TBX18: variants seen among roughly 807,000 people sequenced by gnomAD.
TBX18 encodes the protein T-box transcription factor TBX18.
Under a neutral mutation model 55.0 loss-of-function variants are expected in TBX18, and 21 were observed. The ratio of observed to expected loss-of-function variants is 0.38; its 90% confidence interval spans 0.27 to 0.55. The LOEUF is 0.55. Among genes scored for constraint, TBX18 ranks in the 20% least tolerant of loss-of-function variants. The pLI, the probability that TBX18 is intolerant of heterozygous loss-of-function variation, is 0.73. For synonymous variants in TBX18, 342 were observed against 326.1 expected (o/e 1.05, Z -0.53); for missense variants, 840 against 799.6 (o/e 1.05, Z -0.61).
rs779334419 is a variant in TBX18 at position 84,764,084 on chromosome 6, T to C, written c.98A>G (p.Gln33Arg). 1.8e-5 allele frequency: 28 copies of C among 1,584,648 alleles called. No homozygotes were observed. The Middle Eastern group carries it at 1.0e-3, about 57-fold the overall frequency. ...CAGTTTTCGCCGCTTCTTCTGAAGC[T>C]GTTGCTGCTTCTCGGCGCCGATCAG... Reference protein sequence around the residue: ...EALIGAEKQQQLQKKRRKLGA... With the variant: ...EALIGAEKQQRLQKKRRKLGA... Residue 33 changes from glutamine to arginine, a missense_variant, in exon 1 of 8, where the codon CAG becomes CGG. Coordinates refer to ENST00000369663, the MANE Select transcript of TBX18 (RefSeq NM_001080508.3).
At chr6:84,743,851 T>C (rs1767109378) in intron 6 of TBX18, among the ~76,000 whole-genome samples, 1 of 152,166 alleles carries the variant, frequency 6.6e-6, no homozygotes, top group Admixed American at 6.5e-5. Context: ...CAGCTGGAAA[T>C]ATGACTTAAC....
chr6:84,764,097 C>A lies in TBX18; in HGVS notation c.85G>T (p.Glu29Ter). ...AFSVEALIGA[E>*]KQQQLQKKRR... The stretch of plus-strand genomic sequence containing the variant: ...TTCTTCTGAAGCTGTTGCTGCTTCT[C>A]GGCGCCGATCAGCGCCTCCACCGAG... The change falls in exon 1 of 8, where the codon GAG becomes TAG. Residue 29 changes from glutamate to a stop codon, truncating the protein, a stop_gained. Coordinates refer to ENST00000369663, the MANE Select transcript of TBX18 (RefSeq NM_001080508.3). LOFTEE classifies it high-confidence loss of function. The A allele has an allele frequency of 6.3e-7, 1 of 1,586,212 alleles. No individual in the cohort carries two copies. Among genetic ancestry groups the A allele is most frequent in the Admixed American group, 1.7e-5 (1 of 58,776 alleles).
chr6:84,752,282 A>G (rs1188808406), intron 4 of TBX18, among the ~76,000 whole-genome samples: 3 of 152,204 alleles, frequency 2.0e-5, no homozygotes, highest in African/African-American at 7.2e-5. Context: ...CTTACAGGAT[A>G]GCTCAATAAG....
intron 5 of TBX18, among the ~76,000 whole-genome samples, chr6:84,746,518 AAT>A (rs1314507509): frequency 6.8e-6 from 1 of 146,332 alleles, no homozygotes; most frequent in East Asian, 1.9e-4. Flanking sequence ...TTATAATTTT[AAT>A]ATATTTGATA....
Position 84,764,241 on chromosome 6 carries a change from G to T in TBX18, c.-60C>A, listed in dbSNP as rs552011761. The T allele has an allele frequency of 2.6e-4, 351 of 1,364,972 alleles. No homozygotes were observed. The highest frequency in any genetic ancestry group is 1.5e-3 in the Admixed American group (40 of 26,596). 84.6% of individuals were successfully genotyped at this position (1,364,972 alleles called of 1,614,324 possible). ...TATACACTCACGCGGGCACACGCGC[G>T]CTCTCGCTCTTCCCCCACCAAAAAC... On this transcript the variant is annotated 5_prime_UTR_variant, in exon 1 of 8. Transcript: ENST00000369663.
chr6:84,758,070 T>G (rs1326255846), intron 3 of TBX18, among the ~76,000 whole-genome samples: 2 of 152,172 alleles, frequency 1.3e-5, no homozygotes, highest in Non-Finnish European at 2.9e-5. Flanking sequence ...TTTCTTTTCT[T>G]GGGAAAACAT....
intron 6 of TBX18, among the ~76,000 whole-genome samples, chr6:84,743,146 A>T (rs1767090404): frequency 6.6e-6 from 1 of 152,198 alleles, no homozygotes; most frequent in Non-Finnish European, 1.5e-5. Context: ...CCCTGCTATT[A>T]GTCTTCCTGA....
intron 6 of TBX18, among the ~76,000 whole-genome samples, chr6:84,740,467 T>C (rs1767018418): frequency 6.6e-6 from 1 of 152,174 alleles, no homozygotes; most frequent in South Asian, 2.1e-4. Flanking sequence ...AAACCAGTCA[T>C]CATATCTGTG....
chr6:84,736,828 C>A lies in TBX18; in HGVS notation c.1681G>T (p.Gly561Trp), dbSNP rs1766877933. ...AACATCTGCCGATCCGTCATGGTCC[C>A]ACTCGGTGAGGACCCCAAGAAACTT... ...QGSFLGSSPS[G>W]TMTDRQMLPP... The change falls in exon 8 of 8, where the codon GGG (glycine) becomes TGG (tryptophan). Residue 561 changes from glycine (G) to tryptophan (W), a missense_variant. Gly to Trp is a radical substitution (Grantham distance 184). Transcript: ENST00000369663. 6.2e-7 allele frequency: 1 copy of A among 1,614,086 alleles called. No homozygotes were observed. Among genetic ancestry groups the A allele is most frequent in the Non-Finnish European group, 8.5e-7 (1 of 1,180,000 alleles).
Position 84,736,876 on chromosome 6 carries a change from C to T in TBX18, c.1633G>A (p.Glu545Lys). 1 of 1,613,278 alleles carries T rather than the reference C, an allele frequency of 6.2e-7. No individual in the cohort carries two copies. The highest frequency in any genetic ancestry group is 8.5e-7 in the Non-Finnish European group (1 of 1,179,708). The change falls in exon 8 of 8, where the codon GAG becomes AAG. Residue 545 changes from glutamate (E) to lysine (K), a missense_variant. Glu to Lys is a moderately conservative substitution (Grantham distance 56). Coordinates refer to ENST00000369663, the MANE Select transcript of TBX18 (RefSeq NM_001080508.3). ...STSPKLAASPEKIVSSQGSFL... is the reference protein window; with the variant it reads ...STSPKLAASPKKIVSSQGSFL... ...CTTCCTTGGGAAGAAACAATTTTCT[C>T]AGGACTGGCAGCCAGTTTGGGGGAT...
intron 4 of TBX18, among the ~76,000 whole-genome samples, chr6:84,750,283 CA>C (rs546686776): frequency 0.015 from 1,440 of 94,634 alleles, 10 homozygotes; most frequent in African/African-American, 0.04. Flanking sequence ...GATTCTATCT[CA>C]AAAAAAAAAA....
At chr6:84,740,926 T>C (rs756537225) in intron 6 of TBX18, 8 of 152,232 alleles carry the variant, frequency 5.3e-5, no homozygotes, top group Non-Finnish European at 1.0e-4. Flanking sequence ...AACTTTATTA[T>C]GATTCAAACA....
intron 3 of TBX18, among the ~76,000 whole-genome samples, chr6:84,757,928 T>G (rs1206455012): frequency 6.6e-6 from 1 of 152,190 alleles, no homozygotes; most frequent in Non-Finnish European, 1.5e-5. Context: ...CTCAGAAAAG[T>G]CTACCTGTGT....
In TBX18 at chr6:84,736,270, G is replaced by T. The variant is rs1773937909; in HGVS notation, c.*415C>A. 1 of 153,240 alleles carries T rather than the reference G, an allele frequency of 6.5e-6. No homozygotes were observed. The allele number at this position is 153,240 out of a possible 1,614,324, so 9.5% of individuals were successfully genotyped here. ...CACAAGACTCTACATGCTGGTTACTGCTGGTTATCAATACATCAAGTATGA... is the reference window on the plus strand; with the variant it reads ...CACAAGACTCTACATGCTGGTTACTTCTGGTTATCAATACATCAAGTATGA... On this transcript the variant is annotated 3_prime_UTR_variant, in exon 8 of 8. Transcript: ENST00000369663.
intron 2 of TBX18, among the ~76,000 whole-genome samples, chr6:84,761,378 G>A (rs1016305708): frequency 6.6e-6 from 1 of 151,970 alleles, no homozygotes; most frequent in Non-Finnish European, 1.5e-5. Flanking sequence ...AGTTTAATAC[G>A]CTGGCTGTTT....
chr6:84,749,965 G>A (rs1355854220), intron 4 of TBX18, among the ~76,000 whole-genome samples: 1 of 152,060 alleles, frequency 6.6e-6, no homozygotes, highest in African/African-American at 2.4e-5. Flanking sequence ...TATTACCTGA[G>A]TAATATGTTC....
intron 6 of TBX18, among the ~76,000 whole-genome samples, chr6:84,743,403 T>A (rs368031293): frequency 1.3e-5 from 2 of 152,266 alleles, no homozygotes; most frequent in East Asian, 3.9e-4. Flanking sequence ...CTAAAATAAT[T>A]GGGGATTTTC....
At chr6:84,763,865 T>C in intron 1 of TBX18, 25 bp downstream of exon 1, 1 of 1,472,526 alleles carries the variant, frequency 6.8e-7, no homozygotes, top group Non-Finnish European at 8.9e-7. Flanking sequence ...GGAGAGAAGT[T>C]ATAGGCAGGA....
At chr6:84,752,967 T>C (rs965869513) in intron 4 of TBX18, among the ~76,000 whole-genome samples, 8 of 152,252 alleles carry the variant, frequency 5.3e-5, no homozygotes, top group Admixed American at 1.3e-4. Flanking sequence ...TTCCCTCAGA[T>C]GGAAAATTCC....
Sources: allele counts gnomAD v4.1 joint callset (sites outside exome capture counted in the v4.1 genomes callset), GRCh38; gene constraint gnomAD v4.1.1; transcripts MANE v1.5; gene names NCBI Gene and HGNC (gene_info 2026-07-23, HGNC 2026-07-21).